Variants in BAZ2B observed in about 807,000 individuals in gnomAD.
BAZ2B encodes the protein bromodomain adjacent to zinc finger domain 2B.
Under a neutral mutation model 246.0 loss-of-function variants are expected in BAZ2B, and 91 were observed. The observed-to-expected ratio is 0.37, with a 90% CI of 0.31 to 0.44. The LOEUF is 0.44. Among genes scored for constraint, BAZ2B ranks in the 20% least tolerant of loss-of-function variants. BAZ2B has a pLI of 1.00. For synonymous variants in BAZ2B, 855 were observed against 860.0 expected, an observed-to-expected ratio of 0.99 and a Z score of 0.10; for missense variants, 2,332 against 2,533.7, an observed-to-expected ratio of 0.92 and a Z score of 1.71.
At chr2:159,651,666 C>G in the BAZ2B span, among the ~76,000 whole-genome samples, 1 of 152,072 alleles carries the variant, frequency 6.6e-6, no homozygotes, top group African/African-American at 2.4e-5. Context: ...ACCATCACTA[C>G]AGATTTTCAT....
intron 1 of BAZ2B, among the ~76,000 whole-genome samples, chr2:159,561,166 T>C (rs1274169472): frequency 6.6e-6 from 1 of 152,142 alleles, no homozygotes; most frequent in Non-Finnish European, 1.5e-5. Context: ...GGACATAAGG[T>C]AGGGTGTTTG....
At chr2:159,488,453 T>C (rs1161609138) in intron 2 of BAZ2B, among the ~76,000 whole-genome samples, 1 of 152,192 alleles carries the variant, frequency 6.6e-6, no homozygotes, top group Non-Finnish European at 1.5e-5. Flanking sequence ...GTGATTATAA[T>C]GCATTGTATG....
intron 13 of BAZ2B, among the ~76,000 whole-genome samples, chr2:159,425,499 C>T (rs1037277355): frequency 6.6e-6 from 1 of 152,020 alleles, no homozygotes. Flanking sequence ...ACATTATATA[C>T]ATAAAACAAG....
At chr2:159,640,863 C>A in the BAZ2B span, among the ~76,000 whole-genome samples, 1 of 147,454 alleles carries the variant, frequency 6.8e-6, no homozygotes, top group Non-Finnish European at 1.5e-5. Context: ...CAAATCAAAT[C>A]CAAGATTAGT....
At chr2:159,455,721 C>T (rs2075650801) in intron 3 of BAZ2B, among the ~76,000 whole-genome samples, 1 of 139,136 alleles carries the variant, frequency 7.2e-6, no homozygotes, top group South Asian at 2.3e-4. Context: ...ACCCAAATGT[C>T]ATTATCTTTA....
chr2:159,622,971 C>CA, the BAZ2B span, among the ~76,000 whole-genome samples: 5,760 of 70,436 alleles, frequency 0.082, 437 homozygotes, highest in African/African-American at 0.25. Flanking sequence ...GACCCTGTCT[C>CA]AAAAAAAAAA....
Position 159,350,085 on chromosome 2 carries a change from A to G in BAZ2B, c.4486T>C (p.Cys1496Arg), listed in dbSNP as rs1281819734. Residue 1496 changes from cysteine (C) to arginine (R), a missense_variant, in exon 28 of 37, where the codon TGC (cysteine) becomes CGC (arginine). By Grantham distance (180) the Cys-to-Arg change is radical. This residue lies in a region of BAZ2B where 676 missense variants were observed against 668.6 expected (regional missense o/e 1.01). Coordinates refer to ENST00000392783, the MANE Select transcript of BAZ2B (RefSeq NM_013450.4). ...TPKPNAGANG[C>R]TLSYQNSGKH... ...CCACTGTTCTGATAAGACAACGTGC[A>G]CCCATTTGCACCAGCATTTGGTTTG... The G allele has an allele frequency of 6.2e-7, 1 of 1,613,984 alleles. No individual in the cohort carries two copies. The highest frequency in any genetic ancestry group is 8.5e-7 in the Non-Finnish European group (1 of 1,180,024).
the BAZ2B span, among the ~76,000 whole-genome samples, chr2:159,621,781 T>C: frequency 8.8e-5 from 13 of 147,614 alleles, no homozygotes; most frequent in African/African-American, 2.8e-4. Context: ...CTGGGCAACA[T>C]AGCTAGATCC....
intron 27 of BAZ2B, among the ~76,000 whole-genome samples, chr2:159,364,940 G>T (rs1294222996): frequency 1.3e-5 from 2 of 152,128 alleles, no homozygotes; most frequent in South Asian, 2.1e-4. Flanking sequence ...CACTAGTACT[G>T]CAAGTGATCT....
At chr2:159,534,398 T>C (rs765509963) in intron 2 of BAZ2B, among the ~76,000 whole-genome samples, 1 of 152,230 alleles carries the variant, frequency 6.6e-6, no homozygotes, top group Non-Finnish European at 1.5e-5. Context: ...TATGGAATAC[T>C]GTAGGCAACT....
rs187764041 is a variant in BAZ2B, at chr2:159,319,100, G to A, written c.*1165C>T. On this transcript the variant is annotated 3_prime_UTR_variant, in exon 37 of 37. Transcript: ENST00000392783. The surrounding 1 kb of genome is among the most constrained non-coding windows in gnomAD (Gnocchi z 4.0). Reference sequence around the variant, plus strand: ...TAAATAAAACTTCAAGTACTCTTACGTAGGTACAAAAAAAATCTGATCTAT... The same window carrying A: ...TAAATAAAACTTCAAGTACTCTTACATAGGTACAAAAAAAATCTGATCTAT... 5 of 152,540 alleles carry A rather than the reference G, an allele frequency of 3.3e-5. No individual in the cohort carries two copies. The highest frequency in any genetic ancestry group is 1.9e-4 in the East Asian group (1 of 5,178). 9.4% of individuals were successfully genotyped at this position (152,540 alleles called of 1,614,324 possible).
At chr2:159,386,234 T>G in intron 22 of BAZ2B, 119 bp downstream of exon 22, 114 of 1,145,996 alleles carry the variant, frequency 9.9e-5, no homozygotes, top group Middle Eastern at 2.9e-4. Flanking sequence ...GTTAACTTTG[T>G]GAGACATTAT....
the BAZ2B span, among the ~76,000 whole-genome samples, chr2:159,650,540 G>T: frequency 6.6e-6 from 1 of 152,068 alleles, no homozygotes; most frequent in Non-Finnish European, 1.5e-5. Context: ...TGAGAACTGC[G>T]TACAGTCTTC....
chr2:159,373,644 A>C (rs999537233), intron 26 of BAZ2B, among the ~76,000 whole-genome samples: 8 of 152,144 alleles, frequency 5.3e-5, no homozygotes, highest in Non-Finnish European at 5.9e-5. Flanking sequence ...CAGCCTTGGC[A>C]ACATAGTGAG....
the BAZ2B span, among the ~76,000 whole-genome samples, chr2:159,701,192 T>C: frequency 6.6e-6 from 1 of 152,310 alleles, no homozygotes; most frequent in African/African-American, 2.4e-5. Context: ...CCTCAATGTC[T>C]CTAGTGTCTG....
At chr2:159,437,011 A>G (rs1559414454) in intron 8 of BAZ2B, among the ~76,000 whole-genome samples, 1 of 152,294 alleles carries the variant, frequency 6.6e-6, no homozygotes, top group Non-Finnish European at 1.5e-5. Flanking sequence ...TCTAATGTAA[A>G]TGTCTAATTT....
chr2:159,459,755 C>T (rs2076189286), intron 3 of BAZ2B: 3 of 151,972 alleles, frequency 2.0e-5, no homozygotes, highest in African/African-American at 7.2e-5. Context: ...AAGTACAAAA[C>T]AAAATTACCT....
the BAZ2B span, among the ~76,000 whole-genome samples, chr2:159,664,025 C>A: frequency 1.5e-5 from 1 of 67,440 alleles, no homozygotes; most frequent in Non-Finnish European, 2.9e-5. Flanking sequence ...ATCCCTCCCC[C>A]CTCCCCCGAC....
chr2:159,486,983 AG>A (rs1176202257), intron 2 of BAZ2B, among the ~76,000 whole-genome samples: 2 of 152,286 alleles, frequency 1.3e-5, no homozygotes, highest in African/African-American at 4.8e-5. Flanking sequence ...GTATGCTCAT[AG>A]ACTATTTCTA....
Sources: allele counts gnomAD v4.1 joint callset (sites outside exome capture counted in the v4.1 genomes callset), GRCh38; gene constraint gnomAD v4.1.1; regional missense constraint gnomAD v4.1.1; non-coding constraint Gnocchi (gnomAD v3.1); transcripts MANE v1.5; gene names NCBI Gene and HGNC (gene_info 2026-07-23, HGNC 2026-07-21).